Variants in LRRC20 observed in about 807,000 individuals in gnomAD.
LRRC20 encodes leucine rich repeat containing 20, also known as leucine-rich repeat-containing protein 20.
A neutral mutation model predicts 14.4 loss-of-function variants in LRRC20; 11 were observed. That is an observed-to-expected ratio of 0.77 (90% CI 0.48 to 1.27). The LOEUF is 1.27. Ranked by LOEUF, LRRC20 falls within the 50% of genes most tolerant of loss-of-function variation. The pLI, the probability that LRRC20 is intolerant of heterozygous loss-of-function variation, is 0.00. For synonymous variants in LRRC20, 121 were observed against 107.3 expected (o/e 1.13, Z -0.79); for missense variants, 219 against 251.2 (o/e 0.87, Z 0.87).
At chr10:70,363,374 C>T (rs538075488) in intron 2 of LRRC20, among the ~76,000 whole-genome samples, 4 of 152,150 alleles carry the variant, frequency 2.6e-5, no homozygotes, top group African/African-American at 9.6e-5. Context: ...CTCCCTGGCC[C>T]CCCACCCACG....
chr10:70,381,553 C>T (rs1238647097), intron 1 of LRRC20: 1 of 152,318 alleles, frequency 6.6e-6, no homozygotes, highest in East Asian at 1.9e-4. Context: ...AGCCCGTCCC[C>T]ACCATCTGCT....
intron 2 of LRRC20, among the ~76,000 whole-genome samples, chr10:70,372,936 C>T (rs1844359813): frequency 2.0e-5 from 1 of 49,932 alleles, no homozygotes; most frequent in South Asian, 1.2e-3. Context: ...AACCCCATCT[C>T]TACTAAAAAA....
intron 2 of LRRC20, among the ~76,000 whole-genome samples, chr10:70,367,719 G>A (rs1021989225): frequency 5.9e-5 from 9 of 152,090 alleles, no homozygotes; most frequent in African/African-American, 1.9e-4. Context: ...GGCTGCAGGG[G>A]AGCATGAGGT....
intron 4 of LRRC20, among the ~76,000 whole-genome samples, chr10:70,311,341 G>A (rs766547082): frequency 7.4e-5 from 11 of 147,830 alleles, no homozygotes; most frequent in Non-Finnish European, 1.2e-4. Flanking sequence ...TGATTCTCCT[G>A]CCTCAGCCTC....
At chr10:70,321,288 A>G (rs1343631890) in intron 4 of LRRC20, among the ~76,000 whole-genome samples, 1 of 152,218 alleles carries the variant, frequency 6.6e-6, no homozygotes, top group East Asian at 1.9e-4. Flanking sequence ...AACTATTTCC[A>G]TAATGGAAGA....
chr10:70,365,154 G>A (rs1477779707), intron 2 of LRRC20, among the ~76,000 whole-genome samples: 1 of 148,588 alleles, frequency 6.7e-6, no homozygotes, highest in Non-Finnish European at 1.5e-5. Flanking sequence ...CCGCCTCCCA[G>A]GTTCAAGAGA....
intron 3 of LRRC20, among the ~76,000 whole-genome samples, chr10:70,330,493 C>T (rs1842497524): frequency 1.3e-5 from 2 of 152,174 alleles, no homozygotes; most frequent in Non-Finnish European, 2.9e-5. Flanking sequence ...CAGCAGGTTC[C>T]TGGGGATGGA....
intron 2 of LRRC20, among the ~76,000 whole-genome samples, chr10:70,345,872 G>A (rs1843056299): frequency 6.6e-6 from 1 of 152,170 alleles, no homozygotes; most frequent in Non-Finnish European, 1.5e-5. Flanking sequence ...TTTCAGCTAG[G>A]CATGGTGGCT....
At chr10:70,382,238 T>A (rs1028999016) in intron 1 of LRRC20, among the ~76,000 whole-genome samples, 2 of 152,168 alleles carry the variant, frequency 1.3e-5, no homozygotes, top group Non-Finnish European at 2.9e-5. Context: ...GAGGCCCGCC[T>A]GGGAGCGGTT....
At chr10:70,310,587 C>T (rs1019139187) in intron 4 of LRRC20, among the ~76,000 whole-genome samples, 11 of 152,234 alleles carry the variant, frequency 7.2e-5, no homozygotes, top group African/African-American at 2.7e-4. Context: ...TGTCTGTTCA[C>T]TCCTGTAAAT....
intron 2 of LRRC20, among the ~76,000 whole-genome samples, chr10:70,374,573 G>A (rs1185205375): frequency 2.6e-5 from 4 of 151,952 alleles, no homozygotes; most frequent in East Asian, 3.9e-4. Context: ...TGAACTCCTG[G>A]CCCCAAGCGA....
intron 2 of LRRC20, among the ~76,000 whole-genome samples, chr10:70,361,021 C>G (rs1843698063): frequency 6.8e-6 from 1 of 147,408 alleles, no homozygotes; most frequent in East Asian, 2.0e-4. Flanking sequence ...CTGCACCCGA[C>G]TGGAAGACAG....
At chr10:70,360,255 C>T (rs1299480296) in intron 2 of LRRC20, among the ~76,000 whole-genome samples, 1 of 152,120 alleles carries the variant, frequency 6.6e-6, no homozygotes, top group East Asian at 1.9e-4. Context: ...TGGGGTATTG[C>T]TATCTTGCCC....
intron 2 of LRRC20, among the ~76,000 whole-genome samples, chr10:70,362,488 G>A (rs1201642072): frequency 6.6e-6 from 1 of 152,234 alleles, no homozygotes; most frequent in Non-Finnish European, 1.5e-5. Flanking sequence ...AACTGCTAAA[G>A]GTCAGCGCTG....
At chr10:70,378,508 C>T (rs1333695898) in intron 1 of LRRC20, among the ~76,000 whole-genome samples, 3 of 149,524 alleles carry the variant, frequency 2.0e-5, no homozygotes, top group East Asian at 2.0e-4. Context: ...AAAAAATGGT[C>T]GGGCATGGTG....
intron 3 of LRRC20, among the ~76,000 whole-genome samples, chr10:70,335,061 G>A (rs1347326928): frequency 4.6e-5 from 7 of 152,200 alleles, no homozygotes; most frequent in Non-Finnish European, 1.5e-5. Context: ...TCACCCCTGG[G>A]AGGGCCTGGC....
chr10:70,333,446 T>C (rs1228459859), intron 3 of LRRC20, among the ~76,000 whole-genome samples: 1 of 152,222 alleles, frequency 6.6e-6, no homozygotes, highest in Non-Finnish European at 1.5e-5. Flanking sequence ...GTAGGTTGGT[T>C]GGTCTCTGCT....
intron 2 of LRRC20, among the ~76,000 whole-genome samples, chr10:70,375,343 T>G (rs1259843734): frequency 6.6e-6 from 1 of 152,094 alleles, no homozygotes; most frequent in East Asian, 1.9e-4. Flanking sequence ...AGGGTCCCTG[T>G]GCTCTACAGA....
chr10:70,317,042 G>A (rs1004188919), intron 4 of LRRC20, among the ~76,000 whole-genome samples: 9 of 152,248 alleles, frequency 5.9e-5, no homozygotes, highest in Non-Finnish European at 1.0e-4. Flanking sequence ...GGGGCAATCC[G>A]AACTCCATGC....
Sources: allele counts gnomAD v4.1 joint callset (sites outside exome capture counted in the v4.1 genomes callset), GRCh38; gene constraint gnomAD v4.1.1; transcripts MANE v1.5; gene names NCBI Gene and HGNC (gene_info 2026-07-23, HGNC 2026-07-21).